The following ABLIM1 variants were observed in gnomAD, a reference collection of about 807,000 sequenced individuals.
ABLIM1 encodes actin binding LIM protein 1.
ABLIM1 carries 40 observed loss-of-function variants against 107.0 expected under a neutral mutation model. The ratio of observed to expected loss-of-function variants is 0.37; its 90% CI spans 0.29 to 0.49. The LOEUF (loss-of-function observed/expected upper bound fraction) is 0.49. Among genes scored for constraint, ABLIM1 ranks in the 20% least tolerant of loss-of-function variants. The pLI, the probability that ABLIM1 is intolerant of heterozygous loss-of-function variation, is 0.97. For missense variants in ABLIM1, 857 were observed against 1,008.5 expected, an observed-to-expected ratio of 0.85 and a Z score of 2.04; for synonymous variants, 357 against 357.3, an observed-to-expected ratio of 1.00 and a Z score of 0.01.
chr10:114,509,243 T>G (rs1297835639), intron 6 of ABLIM1, among the ~76,000 whole-genome samples: 1 of 151,466 alleles, frequency 6.6e-6, no homozygotes, highest in Non-Finnish European at 1.5e-5. Context: ...GCATGGAGAG[T>G]GCGGTGTGAG....
At chr10:114,793,617 CTT>C in the ABLIM1 span, among the ~76,000 whole-genome samples, 2 of 152,172 alleles carry the variant, frequency 1.3e-5, no homozygotes, top group Non-Finnish European at 2.9e-5. Context: ...TCCCTGTGTT[CTT>C]GCTGAGGCTG....
At chr10:114,760,700 A>T (rs992042629) in intron 1 of ABLIM1, among the ~76,000 whole-genome samples, 2 of 152,210 alleles carry the variant, frequency 1.3e-5, no homozygotes, top group African/African-American at 4.8e-5. Flanking sequence ...AAATTAAAAA[A>T]CAAAACAAAA....
At chr10:114,486,042 G>A (rs1488429278) in intron 8 of ABLIM1, among the ~76,000 whole-genome samples, 2 of 152,300 alleles carry the variant, frequency 1.3e-5, no homozygotes, top group East Asian at 3.9e-4. Context: ...CGTAGTGAAT[G>A]CTGGGTTTAG....
At chr10:114,748,351 T>C (rs1397994529) in intron 1 of ABLIM1, among the ~76,000 whole-genome samples, 1 of 152,188 alleles carries the variant, frequency 6.6e-6, no homozygotes, top group African/African-American at 2.4e-5. Flanking sequence ...CTGCAATCTA[T>C]ACAAAAGTGA....
intron 1 of ABLIM1, among the ~76,000 whole-genome samples, chr10:114,735,723 C>T (rs1167044041): frequency 6.6e-6 from 1 of 152,220 alleles, no homozygotes; most frequent in Non-Finnish European, 1.5e-5. Flanking sequence ...CCCCCTCGGC[C>T]TCCCACAGTG....
intron 1 of ABLIM1, among the ~76,000 whole-genome samples, chr10:114,755,232 G>A (rs1364823611): frequency 1.3e-5 from 2 of 152,196 alleles, no homozygotes; most frequent in Non-Finnish European, 2.9e-5. Flanking sequence ...AAGGATATAA[G>A]TTGGGCTCCC....
intron 1 of ABLIM1, among the ~76,000 whole-genome samples, chr10:114,625,615 T>G (rs1178976110): frequency 1.3e-5 from 2 of 152,042 alleles, no homozygotes; most frequent in African/African-American, 4.8e-5. Flanking sequence ...AAGCCAAACT[T>G]GAGTTAGATC....
At position 114,556,076 on chromosome 10, in the gene ABLIM1, GA is replaced by G. The variant is rs748571089; in HGVS notation, c.674-8301del. Among the ~76,000 whole-genome samples, 117 of 145,438 alleles carry G rather than the reference GA, an allele frequency of 8.0e-4. 1 individual carries two copies. In the East Asian group the frequency reaches 0.011, roughly 14 times the overall value. ...CAGGACTCAAGCTAAGGAGCTCCAA[GA>G]AAAAAAAAAACAAATTTAAGTTCTA... On this transcript the variant is annotated intron_variant, in intron 4 of 22. Coordinates refer to ENST00000533213, the MANE Select transcript of ABLIM1 (RefSeq NM_002313.7).
At chr10:114,543,839 T>C (rs970832087) in intron 6 of ABLIM1, among the ~76,000 whole-genome samples, 2 of 152,150 alleles carry the variant, frequency 1.3e-5, no homozygotes, top group African/African-American at 4.8e-5. Context: ...CAGGTATTGC[T>C]CCCTCTTCCC....
At chr10:114,768,419 C>G (rs1190198449), upstream of ABLIM1, among the ~76,000 whole-genome samples, 1 of 151,610 alleles carries the variant, frequency 6.6e-6, no homozygotes, top group Non-Finnish European at 1.5e-5. Flanking sequence ...CTGCGTCCTC[C>G]CCTCTCCCCG....
At chr10:114,795,500 A>G in the ABLIM1 span, among the ~76,000 whole-genome samples, 1 of 152,128 alleles carries the variant, frequency 6.6e-6, no homozygotes, top group African/African-American at 2.4e-5. Context: ...TGAGGTCAGG[A>G]GTTTGAGACC....
chr10:114,448,604 TTTATTA>T lies in ABLIM1; in HGVS notation c.1595-590_1595-585del, dbSNP rs60805531. ...CAAATATGTTGGTCCAGATCATTCT[TTTATTA>T]TTATTATTATTATTATTATTTGAGA... On this transcript the variant is annotated intron_variant, in intron 14 of 22. Coordinates refer to ENST00000533213, the MANE Select transcript of ABLIM1 (RefSeq NM_002313.7). Among the ~76,000 whole-genome samples, 15 of 149,830 alleles carry T rather than the reference TTTATTA, an allele frequency of 1.0e-4. No individual in the cohort carries two copies. In the Middle Eastern group the frequency reaches 0.017, roughly 173 times the overall value.
chr10:114,697,937 G>A (rs1246287754), intron 1 of ABLIM1, among the ~76,000 whole-genome samples: 1 of 152,042 alleles, frequency 6.6e-6, no homozygotes, highest in Non-Finnish European at 1.5e-5. Flanking sequence ...ACATTTTAGA[G>A]ATCTCTTGTG....
intron 1 of ABLIM1, among the ~76,000 whole-genome samples, chr10:114,723,477 T>C (rs975006745): frequency 6.6e-6 from 1 of 152,244 alleles, no homozygotes; most frequent in Non-Finnish European, 1.5e-5. Flanking sequence ...GGTGGGATTA[T>C]ACTGGAGGCA....
At chr10:114,473,335 G>A (rs1168816002) in intron 9 of ABLIM1, among the ~76,000 whole-genome samples, 5 of 152,042 alleles carry the variant, frequency 3.3e-5, no homozygotes, top group African/African-American at 7.3e-5. Context: ...GTCACTGAAC[G>A]CTTAGGAAAA....
the ABLIM1 span, among the ~76,000 whole-genome samples, chr10:114,798,474 G>A: frequency 6.7e-6 from 1 of 150,072 alleles, no homozygotes; most frequent in Non-Finnish European, 1.5e-5. Context: ...GCTCACACCT[G>A]TAATCCCAGC....
At chr10:114,796,295 T>C in the ABLIM1 span, among the ~76,000 whole-genome samples, 1 of 152,280 alleles carries the variant, frequency 6.6e-6, no homozygotes, top group Non-Finnish European at 1.5e-5. Flanking sequence ...GAGGTTGCGA[T>C]AAAGATGTCA....
intron 6 of ABLIM1, among the ~76,000 whole-genome samples, chr10:114,544,420 C>CGGCTGCTGAGAAAGCAG (rs1312070210): frequency 1.3e-5 from 2 of 152,206 alleles, no homozygotes; most frequent in Non-Finnish European, 2.9e-5. Context: ...GCCTGTGTGG[C>CGGCTGCTGAGAAAGCAG]GGCTGCTGAG....
chr10:114,684,437 G>C, exon 1 of ABLIM1: 1 of 1,587,254 alleles, frequency 6.3e-7, no homozygotes. Context: ...GGAGAGGCTG[G>C]GGCCCTGGCT....
Sources: gnomAD v4.1 joint callset for allele counts (sites outside exome capture counted in the v4.1 genomes callset) on GRCh38, gnomAD v4.1.1 for gene constraint, MANE v1.5 for transcripts, NCBI Gene and HGNC (gene_info 2026-07-23, HGNC 2026-07-21) for gene names.